Variants in CRYL1 observed in about 807,000 individuals in gnomAD.
CRYL1 encodes lambda-crystallin homolog.
Under a neutral mutation model 36.6 loss-of-function variants are expected in CRYL1, and 29 were observed. That is an observed-to-expected ratio of 0.79 (90% CI 0.59 to 1.08). The LOEUF is 1.08. Among genes scored for constraint, CRYL1 ranks in the 50% least tolerant of loss-of-function variants. The pLI is 0.00. For missense variants in CRYL1, 411 were observed against 407.9 expected, an observed-to-expected ratio of 1.01 and a Z score of -0.06; for synonymous variants, 152 against 151.5, an observed-to-expected ratio of 1.00 and a Z score of -0.02.
chr13:20,493,308 G>T (rs1025704667), intron 2 of CRYL1, among the ~76,000 whole-genome samples: 6 of 152,222 alleles, frequency 3.9e-5, no homozygotes, highest in Admixed American at 6.5e-5. Flanking sequence ...GCAGCCGGTG[G>T]TGGCTGCAGT....
At position 20,481,967 on chromosome 13, in the gene CRYL1, C is replaced by T. The variant is rs2033288303; in HGVS notation, c.276+7403G>A. On this transcript the variant is annotated intron_variant, in intron 3 of 7. Coordinates refer to ENST00000298248, the MANE Select transcript of CRYL1 (RefSeq NM_015974.3). This position sits in a 1 kb window ranked among gnomAD's most constrained non-coding sequence, Gnocchi z 4.1. Reference sequence around the variant, plus strand: ...AAAAAGTGTAACTCCAGTTTCCTCGCACATTCCCGAATATTCTCAGGGCTG... The same window carrying T: ...AAAAAGTGTAACTCCAGTTTCCTCGTACATTCCCGAATATTCTCAGGGCTG... 6.6e-6 allele frequency among the ~76,000 whole-genome samples: 1 copy of T among 152,072 alleles called. No homozygotes were observed. The highest frequency in any genetic ancestry group is 2.1e-4 in the South Asian group (1 of 4,828).
intron 5 of CRYL1, chr13:20,431,373 C>T (rs1263684704): frequency 7.1e-6 from 7 of 985,282 alleles, no homozygotes; most frequent in Admixed American, 6.1e-5. Context: ...GCAACACAGG[C>T]GTGGGCAGAG....
intron 2 of CRYL1, among the ~76,000 whole-genome samples, chr13:20,499,976 G>T (rs1338500806): frequency 2.0e-5 from 3 of 151,978 alleles, no homozygotes; most frequent in Non-Finnish European, 4.4e-5. Context: ...TGTTTCTTTG[G>T]GGGGAGTTCA....
intron 5 of CRYL1, among the ~76,000 whole-genome samples, chr13:20,426,230 T>C (rs1429897633): frequency 3.3e-5 from 5 of 151,322 alleles, no homozygotes; most frequent in African/African-American, 1.2e-4. Context: ...CTATTGTTCA[T>C]TCATTCTAAT....
At chr13:20,416,329 C>A (rs987443231) in intron 5 of CRYL1, among the ~76,000 whole-genome samples, 1 of 152,154 alleles carries the variant, frequency 6.6e-6, no homozygotes, top group African/African-American at 2.4e-5. Context: ...CGGGGCATCA[C>A]GGGGGCTGGG....
chr13:20,411,578 A>G (rs1214792532), intron 6 of CRYL1, among the ~76,000 whole-genome samples: 1 of 152,242 alleles, frequency 6.6e-6, no homozygotes, highest in Non-Finnish European at 1.5e-5. Context: ...ATGCTTAAGT[A>G]TATATACAAA....
At chr13:20,520,756 A>G (rs994137922) in intron 1 of CRYL1, among the ~76,000 whole-genome samples, 1 of 152,196 alleles carries the variant, frequency 6.6e-6, no homozygotes, top group African/African-American at 2.4e-5. Flanking sequence ...GGAGCACCCT[A>G]TAACATCTGC....
intron 3 of CRYL1, among the ~76,000 whole-genome samples, chr13:20,482,280 A>G (rs573879343): frequency 6.6e-6 from 1 of 152,300 alleles, no homozygotes; most frequent in South Asian, 2.1e-4. Context: ...GCTATTGCAG[A>G]TTGTTCTGAC....
intron 3 of CRYL1, among the ~76,000 whole-genome samples, chr13:20,483,628 C>A (rs978933334): frequency 9.2e-5 from 14 of 152,168 alleles, no homozygotes; most frequent in African/African-American, 3.4e-4. Flanking sequence ...CAACCTCCAC[C>A]TCCTGGGCTC....
intron 2 of CRYL1, among the ~76,000 whole-genome samples, chr13:20,495,859 G>A (rs1462292167): frequency 5.3e-5 from 8 of 152,172 alleles, no homozygotes; most frequent in South Asian, 2.1e-4. Flanking sequence ...GTGCAGTGGC[G>A]CAGTCTCAGC....
At chr13:20,504,996 G>A (rs1337593659) in intron 2 of CRYL1, among the ~76,000 whole-genome samples, 1 of 152,050 alleles carries the variant, frequency 6.6e-6, no homozygotes, top group East Asian at 1.9e-4. Context: ...AACACACACA[G>A]AATATTCATG....
At chr13:20,524,281 A>G (rs947571836) in intron 1 of CRYL1, among the ~76,000 whole-genome samples, 6 of 152,238 alleles carry the variant, frequency 3.9e-5, no homozygotes, top group South Asian at 2.1e-4. Context: ...CTGTGTGTGT[A>G]TATATATGTG....
At chr13:20,479,234 C>G (rs2033227449) in intron 3 of CRYL1, among the ~76,000 whole-genome samples, 1 of 152,212 alleles carries the variant, frequency 6.6e-6, no homozygotes, top group Admixed American at 6.5e-5. Context: ...TCAAGTAACA[C>G]TTTAATAATC....
chr13:20,496,271 T>C (rs1281301734), intron 2 of CRYL1, among the ~76,000 whole-genome samples: 1 of 152,130 alleles, frequency 6.6e-6, no homozygotes, highest in African/African-American at 2.4e-5. Flanking sequence ...GAAGAGTTGT[T>C]TAATGGGCAC....
At position 20,425,190 on chromosome 13, in the gene CRYL1, C is replaced by T. The variant is rs1440735741; in HGVS notation, c.633+6912G>A. Reference sequence around the variant, plus strand: ...CCCAGAAAAGCTGCCAGCAGGACCCCGTCTCCTGTTGGCGGTGGCTCCGCA... The same window carrying T: ...CCCAGAAAAGCTGCCAGCAGGACCCTGTCTCCTGTTGGCGGTGGCTCCGCA... On this transcript the variant is annotated intron_variant, in intron 5 of 7. Transcript: ENST00000298248. The surrounding 1 kb of genome is among the most constrained non-coding windows in gnomAD (Gnocchi z 4.4). 6.6e-6 allele frequency among the ~76,000 whole-genome samples: 1 copy of T among 152,214 alleles called. No homozygotes were observed. Among genetic ancestry groups the T allele is most frequent in the Non-Finnish European group, 1.5e-5 (1 of 68,034 alleles).
intron 5 of CRYL1, among the ~76,000 whole-genome samples, chr13:20,417,763 G>T (rs2031707508): frequency 6.6e-6 from 1 of 152,162 alleles, no homozygotes; most frequent in Non-Finnish European, 1.5e-5. Flanking sequence ...TTTGGTAGGA[G>T]AAAATGCCCA....
chr13:20,518,129 G>C (rs2034035305), intron 1 of CRYL1, among the ~76,000 whole-genome samples: 1 of 151,730 alleles, frequency 6.6e-6, no homozygotes, highest in African/African-American at 2.4e-5. Flanking sequence ...CTTGCCATGG[G>C]GTTAATTAGA....
intron 2 of CRYL1, among the ~76,000 whole-genome samples, chr13:20,501,341 G>A (rs2033700042): frequency 6.6e-6 from 1 of 152,196 alleles, no homozygotes; most frequent in African/African-American, 2.4e-5. Flanking sequence ...TGACTGCAAA[G>A]CTCACAGTCT....
At chr13:20,494,385 A>G (rs1418887585) in intron 2 of CRYL1, among the ~76,000 whole-genome samples, 1 of 152,250 alleles carries the variant, frequency 6.6e-6, no homozygotes, top group Admixed American at 6.5e-5. Flanking sequence ...TCCACCCTCC[A>G]GAACTAACCA....
Sources: allele counts gnomAD v4.1 joint callset (sites outside exome capture counted in the v4.1 genomes callset), GRCh38; gene constraint gnomAD v4.1.1; non-coding constraint Gnocchi (gnomAD v3.1); transcripts MANE v1.5; gene names NCBI Gene and HGNC (gene_info 2026-07-23, HGNC 2026-07-21).